DOCK9: variants seen among roughly 807,000 people sequenced by gnomAD.
DOCK9 encodes dedicator of cytokinesis protein 9.
DOCK9 carries 89 observed loss-of-function variants against 263.3 expected under a neutral mutation model. The observed-to-expected ratio is 0.34, with a 90% CI of 0.28 to 0.40. The LOEUF (loss-of-function observed/expected upper bound fraction) is 0.40, where lower values mean the gene tolerates loss of function less well. Among genes scored for constraint, DOCK9 ranks in the 10% least tolerant of loss-of-function variants. The pLI, the probability that DOCK9 is intolerant of heterozygous loss-of-function variation, is 1.00. For synonymous variants in DOCK9, 976 were observed against 973.1 expected (o/e 1.00, Z -0.06); for missense variants, 2,140 against 2,603.4 (o/e 0.82, Z 3.87).
At chr13:99,014,204 A>T (rs1885018474) in intron 1 of DOCK9, among the ~76,000 whole-genome samples, 1 of 152,248 alleles carries the variant, frequency 6.6e-6, no homozygotes, top group Non-Finnish European at 1.5e-5. Context: ...TGGGAGGGGC[A>T]CTGCCATTAC....
Position 98,885,107 on chromosome 13 carries a change from G to GAAC in DOCK9, c.2261-18_2261-16dup, listed in dbSNP as rs200864808. ...GGAGTAGCCAACTGTTGAAAACAAA[G>GAAC]AACAACAACAACAACAGAACACTGT... On this transcript the variant is annotated splice_polypyrimidine_tract_variant and intron_variant, in intron 20 of 52. Coordinates refer to ENST00000682017, the MANE Select transcript of DOCK9 (RefSeq NM_001366683.2). 110 of 1,612,712 alleles carry GAAC rather than the reference G, an allele frequency of 6.8e-5. No homozygotes were observed. Among genetic ancestry groups the GAAC allele is most frequent in the Non-Finnish European group, 8.5e-5 (100 of 1,179,444 alleles).
chr13:98,976,144 C>T (rs1779321304), intron 1 of DOCK9, among the ~76,000 whole-genome samples: 1 of 152,216 alleles, frequency 6.6e-6, no homozygotes, highest in Non-Finnish European at 1.5e-5. Context: ...TCACTGTTGG[C>T]TTCCTCACTC....
intron 27 of DOCK9, among the ~76,000 whole-genome samples, chr13:98,878,205 A>G (rs1344485864): frequency 6.6e-6 from 1 of 152,218 alleles, no homozygotes; most frequent in Non-Finnish European, 1.5e-5. Context: ...GACTTTCAGC[A>G]TCTCAATTGT....
intron 1 of DOCK9, among the ~76,000 whole-genome samples, chr13:98,976,586 G>A (rs1164329225): frequency 6.6e-6 from 1 of 152,218 alleles, no homozygotes; most frequent in Non-Finnish European, 1.5e-5. Context: ...CAGCCTGTGA[G>A]CAACCCAACA....
intron 1 of DOCK9, among the ~76,000 whole-genome samples, chr13:98,974,899 A>G (rs2060089107): frequency 6.6e-6 from 1 of 152,160 alleles, no homozygotes; most frequent in South Asian, 2.1e-4. Context: ...CATTACCACC[A>G]ATCATAAGGG....
intron 2 of DOCK9, among the ~76,000 whole-genome samples, chr13:98,942,102 T>C (rs2055959111): frequency 6.6e-6 from 1 of 152,204 alleles, no homozygotes; most frequent in South Asian, 2.1e-4. Flanking sequence ...ACCTCTAGTG[T>C]CTAAAGCACC....
At chr13:98,995,765 G>A (rs1381369925) in intron 1 of DOCK9, among the ~76,000 whole-genome samples, 2 of 152,124 alleles carry the variant, frequency 1.3e-5, no homozygotes, top group Non-Finnish European at 2.9e-5. Flanking sequence ...TGGGATTACA[G>A]GTGTGAGCCA....
intron 1 of DOCK9, among the ~76,000 whole-genome samples, chr13:99,047,759 G>A: frequency 6.6e-6 from 1 of 151,932 alleles, no homozygotes; most frequent in East Asian, 1.9e-4. Context: ...CTGACTTCAG[G>A]CGATCCACCC....
chr13:99,011,051 C>A (rs1273477613), intron 1 of DOCK9, among the ~76,000 whole-genome samples: 2 of 152,132 alleles, frequency 1.3e-5, no homozygotes, highest in African/African-American at 2.4e-5. Context: ...GCAGTGCCAC[C>A]ATGCCCGGCT....
Position 98,914,390 on chromosome 13 carries a change from C to T in DOCK9, c.898G>A (p.Glu300Lys). The T allele has an allele frequency of 6.2e-7, 1 of 1,607,470 alleles. No individual in the cohort carries two copies. Among genetic ancestry groups the T allele is most frequent in the Non-Finnish European group, 8.5e-7 (1 of 1,177,072 alleles). Residue 300 changes from glutamate (E) to lysine (K), a missense_variant, in exon 9 of 53, where the codon GAA becomes AAA. Around this residue, in one of 2 missense-constraint regions of DOCK9, gnomAD observed 1,521 missense variants for 1,741.7 expected, o/e 0.87. Coordinates refer to ENST00000682017, the MANE Select transcript of DOCK9 (RefSeq NM_001366683.2). Reference sequence around the variant, plus strand: ...CCAGAACCTTCCAATTTGCTTTGTTCATCATCTAAAATGGCAAAACAGATT... The same window carrying T: ...CCAGAACCTTCCAATTTGCTTTGTTTATCATCTAAAATGGCAAAACAGATT... ...KRNGDSHEDD[E>K]QSKLEGSGSG...
Position 98,914,552 on chromosome 13 carries a change from A to C in DOCK9, c.893-157T>G, listed in dbSNP as rs60445046. Reference sequence around the variant, plus strand: ...GAAACACTTGGGGTGCTTTGAAAAAATACTGATCCACAGGCTCAGTGATGA... The same window carrying C: ...GAAACACTTGGGGTGCTTTGAAAAACTACTGATCCACAGGCTCAGTGATGA... On this transcript the variant is annotated intron_variant, in intron 8 of 52. Coordinates refer to ENST00000682017, the MANE Select transcript of DOCK9 (RefSeq NM_001366683.2). Among the ~76,000 whole-genome samples the C allele has an allele frequency of 7.6e-3, 1,161 of 152,270 alleles. 15 individuals carry two copies. The highest frequency in any genetic ancestry group is 0.027 in the African/African-American group (1,126 of 41,548).
At chr13:98,826,913 A>C in intron 43 of DOCK9, 26 bp from the exon 44 acceptor site, 1 of 1,586,720 alleles carries the variant, frequency 6.3e-7, no homozygotes, top group South Asian at 1.1e-5. Flanking sequence ...CATGCCTCAG[A>C]ATCATCATTC....
intron 27 of DOCK9, among the ~76,000 whole-genome samples, chr13:98,871,084 T>C (rs2094173754): frequency 1.3e-5 from 2 of 152,192 alleles, no homozygotes; most frequent in South Asian, 4.1e-4. Context: ...TGTTAGATGA[T>C]AATAAAGACG....
At chr13:99,013,370 C>T (rs1004892869) in intron 1 of DOCK9, among the ~76,000 whole-genome samples, 15 of 152,212 alleles carry the variant, frequency 9.9e-5, no homozygotes, top group Admixed American at 7.8e-4. Context: ...CTGCCTTGGC[C>T]TCCCAAAGCA....
At chr13:98,868,937 G>A (rs559329095) in intron 27 of DOCK9, among the ~76,000 whole-genome samples, 54 of 152,306 alleles carry the variant, frequency 3.5e-4, no homozygotes, top group Non-Finnish European at 6.8e-4. Context: ...TTGTAAAAAG[G>A]TGGAGCTTCT....
chr13:98,917,671 GTACT>G (rs2051120903), intron 7 of DOCK9, among the ~76,000 whole-genome samples: 1 of 151,242 alleles, frequency 6.6e-6, no homozygotes, highest in Non-Finnish European at 1.5e-5. Context: ...CAGGGCGGGG[GTACT>G]GCACAGTGGT....
chr13:98,949,136 AATC>A (rs1343730959), intron 2 of DOCK9, among the ~76,000 whole-genome samples: 1 of 152,144 alleles, frequency 6.6e-6, no homozygotes, highest in African/African-American at 2.4e-5. Context: ...GCAGCAGCAC[AATC>A]ATGGCTCACT....
intron 1 of DOCK9, among the ~76,000 whole-genome samples, chr13:98,962,639 A>T (rs9557101): frequency 0.45 from 64,530 of 143,388 alleles, 14,040 homozygotes; most frequent in East Asian, 0.74. Context: ...ATAGGTTTTA[A>T]AAAAAAAAAA....
chr13:98,898,397 A>G, intron 13 of DOCK9, 136 bp from the exon 14 acceptor site: 1 of 649,276 alleles, frequency 1.5e-6, no homozygotes. Context: ...ATCATACAGT[A>G]ATGAATATGG....
Sources: gnomAD v4.1 joint callset for allele counts (sites outside exome capture counted in the v4.1 genomes callset) on GRCh38, gnomAD v4.1.1 for gene constraint, gnomAD v4.1.1 regional missense constraint, MANE v1.5 for transcripts, NCBI Gene and HGNC (gene_info 2026-07-23, HGNC 2026-07-21) for gene names.